Variants in FOXN4 observed in about 807,000 individuals in gnomAD.
The protein encoded by FOXN4 is forkhead box protein N4.
In FOXN4, 12 loss-of-function variants were observed where a neutral mutation model predicts 45.0. The ratio of observed to expected loss-of-function variants is 0.27; its 90% CI spans 0.17 to 0.43. The LOEUF (loss-of-function observed/expected upper bound fraction) is 0.43. Among genes scored for constraint, FOXN4 ranks in the 20% least tolerant of loss-of-function variants. The pLI is 1.00. For missense variants in FOXN4, 560 were observed against 694.9 expected, an observed-to-expected ratio of 0.81 and a Z score of 2.18; for synonymous variants, 297 against 295.0, an observed-to-expected ratio of 1.01 and a Z score of -0.07.
Position 109,278,231 on chromosome 12 carries a change from A to C in FOXN4, c.*1440T>G, listed in dbSNP as rs2047622974. On this transcript the variant is annotated 3_prime_UTR_variant, in exon 10 of 10. Transcript: ENST00000299162. The stretch of plus-strand genomic sequence containing the variant: ...CCTTCAAGGCGGGGCTTAATGCCAA[A>C]ACTCCCAGGCAGCTGGCTGAGCTGT... The C allele has an allele frequency of 6.6e-6, 1 of 152,224 alleles. No homozygotes were observed. The highest frequency in any genetic ancestry group is 1.5e-5 in the Non-Finnish European group (1 of 68,044). The allele number at this position is 152,224 out of a possible 1,614,324, so 9.4% of individuals were successfully genotyped here.
intron 2 of FOXN4, among the ~76,000 whole-genome samples, chr12:109,303,730 A>G (rs927744985): frequency 1.3e-5 from 2 of 152,190 alleles, no homozygotes; most frequent in African/African-American, 4.8e-5. Flanking sequence ...CAGTTTCCCA[A>G]TCTGTAAAAG....
At chr12:109,302,852 C>T (rs2047880543) in intron 2 of FOXN4, among the ~76,000 whole-genome samples, 1 of 152,196 alleles carries the variant, frequency 6.6e-6, no homozygotes, top group African/African-American at 2.4e-5. Flanking sequence ...GGGTAAGAAA[C>T]TGTTACATCA....
At chr12:109,304,229 AAG>A (rs1348598030) in intron 2 of FOXN4, among the ~76,000 whole-genome samples, 84 of 39,346 alleles carry the variant, frequency 2.1e-3, no homozygotes, top group African/African-American at 7.9e-3. Context: ...AAGAGAAAGA[AAG>A]AAAGAAAGAA....
chr12:109,282,404 C>T lies in FOXN4; in HGVS notation c.902-605G>A, dbSNP rs2047661324. Among the ~76,000 whole-genome samples, 3 of 151,980 alleles carry T rather than the reference C, an allele frequency of 2.0e-5. No individual in the cohort carries two copies. In the South Asian group the frequency reaches 6.2e-4, roughly 32 times the overall value. On this transcript the variant is annotated intron_variant, in intron 8 of 9. Coordinates refer to ENST00000299162, the MANE Select transcript of FOXN4 (RefSeq NM_213596.3). ...TTGAGGCTGCAGTAAGACATGATTG[C>T]ACTACTGTACTCCAGCCTGGGTGAT...
chr12:109,281,563 G>C lies in FOXN4; in HGVS notation c.1138C>G (p.Gln380Glu). 6.2e-7 allele frequency: 1 copy of C among 1,608,834 alleles called. No individual in the cohort carries two copies. Among genetic ancestry groups the C allele is most frequent in the South Asian group, 1.1e-5 (1 of 90,550 alleles). The stretch of plus-strand genomic sequence containing the variant: ...GGCAGGGCGTGCAGTGGCGGGGTCT[G>C]GGCTGGTGCTGGAGAGTCTGGAGCA... ...HLAPDSPAPA[Q>E]TPPLHALPDL... is the part of the protein sequence containing the mutation. The change falls in exon 9 of 10, where the codon CAG (glutamine) becomes GAG (glutamate). Residue 380 changes from glutamine to glutamate, a missense_variant. Around this residue, in one of 5 missense-constraint regions of FOXN4, gnomAD observed 315 missense variants for 350.5 expected, o/e 0.90. Coordinates refer to ENST00000299162, the MANE Select transcript of FOXN4 (RefSeq NM_213596.3).
Position 109,287,419 on chromosome 12 carries a change from G to A in FOXN4, c.574C>T (p.Pro192Ser). 6.4e-7 allele frequency: 1 copy of A among 1,551,608 alleles called. No homozygotes were observed. Among genetic ancestry groups the A allele is most frequent in the Non-Finnish European group, 8.7e-7 (1 of 1,146,926 alleles). Reference protein sequence around the residue: ...SSQELHPKHYPKPIYSYSCLI... With the variant: ...SSQELHPKHYSKPIYSYSCLI... Reference sequence around the variant, plus strand: ...CACCTGTACGAGTAGATGGGCTTGGGGTAGTGTTTGGGGTGCAGTTCTTGA... The same window carrying A: ...CACCTGTACGAGTAGATGGGCTTGGAGTAGTGTTTGGGGTGCAGTTCTTGA... Residue 192 changes from proline to serine, a missense_variant, in exon 6 of 10, where the codon CCC (proline) becomes TCC (serine). Pro to Ser is a moderately conservative substitution (Grantham distance 74, BLOSUM62 -1). This residue lies in a region of FOXN4 where 61 missense variants were observed against 59.8 expected (regional missense o/e 1.02). Transcript: ENST00000299162. This position sits in a 1 kb window ranked among gnomAD's most constrained non-coding sequence, Gnocchi z 4.1.
chr12:109,279,322 C>G lies in FOXN4; in HGVS notation c.*349G>C, dbSNP rs142918942. On this transcript the variant is annotated 3_prime_UTR_variant, in exon 10 of 10. Coordinates refer to ENST00000299162, the MANE Select transcript of FOXN4 (RefSeq NM_213596.3). ...AATGGGGTGCAGGTCACTGAGGTCA[C>G]GCAGCCAGGATCCAGGATGGAGAAG... The G allele has an allele frequency of 2.9e-6, 1 of 346,372 alleles. No individual in the cohort carries two copies. The allele number at this position is 346,372 out of a possible 1,614,324, so 21.5% of individuals were successfully genotyped here. A position where few individuals can be genotyped will look rare whatever the true frequency, so the allele number is the denominator to read the frequency against.
Position 109,291,493 on chromosome 12 carries a change from C to A in FOXN4, c.87-1207G>T, listed in dbSNP as rs542243577. Among the ~76,000 whole-genome samples the A allele has an allele frequency of 2.0e-5, 3 of 152,076 alleles. No individual in the cohort carries two copies. Among genetic ancestry groups the A allele is most frequent in the Non-Finnish European group, 4.4e-5 (3 of 68,002 alleles). On this transcript the variant is annotated intron_variant, in intron 2 of 9. Transcript: ENST00000299162. The surrounding 1 kb of genome is among the most constrained non-coding windows in gnomAD (Gnocchi z 6.6). ...CGACCCATCCTGCCCTGGTTTTCTG[C>A]GCCTCTCGGAGGCTCCAGCAAAGCC...
At chr12:109,285,271 G>A in intron 8 of FOXN4, 33 bp downstream of exon 8, 1 of 1,542,330 alleles carries the variant, frequency 6.5e-7, no homozygotes, top group Non-Finnish European at 8.8e-7. Context: ...GTGTGTGTGT[G>A]TGTGCGCGCA....
At position 109,287,852 on chromosome 12, in the gene FOXN4, C is replaced by T; in HGVS notation, c.460G>A (p.Ala154Thr). ...CCCTGAGCCCTTGGTACCTGCTGGG[C>T]ACCCGGGGGGAGCGGGAACTGTGGT... ...TQPQFPLPPG[A>T]QQCPPVGLYG... is the part of the protein sequence containing the mutation. Residue 154 changes from alanine to threonine, a missense_variant, in exon 5 of 10, where the codon GCC (alanine) becomes ACC (threonine). Physicochemically the swap from Ala to Thr is moderately conservative, Grantham distance 58 (BLOSUM62 0). This residue lies in a region of FOXN4 where 61 missense variants were observed against 59.8 expected (regional missense o/e 1.02). Coordinates refer to ENST00000299162, the MANE Select transcript of FOXN4 (RefSeq NM_213596.3). The surrounding 1 kb of genome is among the most constrained non-coding windows in gnomAD (Gnocchi z 4.1). 2 of 1,549,500 alleles carry T rather than the reference C, an allele frequency of 1.3e-6. No homozygotes were observed. Among genetic ancestry groups the T allele is most frequent in the Non-Finnish European group, 1.7e-6 (2 of 1,146,646 alleles).
At chr12:109,308,547 A>G (rs998632175) in intron 1 of FOXN4, among the ~76,000 whole-genome samples, 8 of 152,212 alleles carry the variant, frequency 5.3e-5, no homozygotes, top group Non-Finnish European at 1.0e-4. Context: ...GAATGAAATG[A>G]AATTCCCGGT....
intron 2 of FOXN4, among the ~76,000 whole-genome samples, chr12:109,306,965 C>T (rs1347255494): frequency 1.3e-5 from 2 of 152,220 alleles, no homozygotes; most frequent in East Asian, 3.8e-4. Context: ...CCTCAGTTTC[C>T]TCACCTATAC....
chr12:109,291,880 C>G lies in FOXN4; in HGVS notation c.87-1594G>C, dbSNP rs1382460588. ...CTGTTGCCCCTGTGGCACGTGGCCC[C>G]CATTGTCCCAGGGTCTCAGTGCAAT... On this transcript the variant is annotated intron_variant, in intron 2 of 9. Transcript: ENST00000299162. This position sits in a 1 kb window ranked among gnomAD's most constrained non-coding sequence, Gnocchi z 6.6. Among the ~76,000 whole-genome samples, 1 of 152,170 alleles carries G rather than the reference C, an allele frequency of 6.6e-6. No individual in the cohort carries two copies. Among genetic ancestry groups the G allele is most frequent in the African/African-American group, 2.4e-5 (1 of 41,454 alleles).
intron 9 of FOXN4, among the ~76,000 whole-genome samples, chr12:109,280,659 A>G (rs550605944): frequency 6.6e-6 from 1 of 152,284 alleles, no homozygotes; most frequent in South Asian, 2.1e-4. Flanking sequence ...TACCCACTTC[A>G]CAGCTGCAGC....
chr12:109,308,139 T>C, intron 2 of FOXN4, 97 bp downstream of exon 2: 1 of 996,854 alleles, frequency 1.0e-6, no homozygotes, highest in Non-Finnish European at 1.5e-6. Flanking sequence ...GAATTGAACA[T>C]AACAATAGTT....
intron 8 of FOXN4, among the ~76,000 whole-genome samples, 193 bp downstream of exon 8, chr12:109,285,111 G>A (rs1415801514): frequency 1.3e-5 from 2 of 151,810 alleles, no homozygotes; most frequent in African/African-American, 4.8e-5. Context: ...ATGGCAGCCA[G>A]GTCCTTCCTC....
rs1240457992 is a variant in FOXN4, at chr12:109,304,172, T to C, written c.86+4064A>G. Among the ~76,000 whole-genome samples the C allele has an allele frequency of 3.3e-5, 4 of 122,518 alleles. No homozygotes were observed. The East Asian group carries it at 9.3e-4, about 28-fold the overall frequency. The allele number at this position is 122,518 out of a possible 152,430, so 80.4% of individuals were successfully genotyped here. ...CACCACTGCACTCCAGCCTGGACGATAGAGCCAGACTCCGTCAAAAAAAAA... is the reference window on the plus strand; with the variant it reads ...CACCACTGCACTCCAGCCTGGACGACAGAGCCAGACTCCGTCAAAAAAAAA... On this transcript the variant is annotated intron_variant, in intron 2 of 9. Coordinates refer to ENST00000299162, the MANE Select transcript of FOXN4 (RefSeq NM_213596.3).
intron 2 of FOXN4, among the ~76,000 whole-genome samples, chr12:109,296,375 C>A (rs966679274): frequency 1.3e-5 from 2 of 152,248 alleles, no homozygotes; most frequent in Non-Finnish European, 2.9e-5. Flanking sequence ...GTCCTTCCCC[C>A]CTTCTCTGTG....
chr12:109,298,691 C>A (rs1207330125), intron 2 of FOXN4, among the ~76,000 whole-genome samples: 1 of 152,116 alleles, frequency 6.6e-6, no homozygotes, highest in African/African-American at 2.4e-5. Flanking sequence ...ATGCAAAGAC[C>A]CCGACATTTG....
Sources: allele counts gnomAD v4.1 joint callset (sites outside exome capture counted in the v4.1 genomes callset), GRCh38; gene constraint gnomAD v4.1.1; regional missense constraint gnomAD v4.1.1; non-coding constraint Gnocchi (gnomAD v3.1); transcripts MANE v1.5; gene names NCBI Gene and HGNC (gene_info 2026-07-23, HGNC 2026-07-21).